Variants in NDUFB6 observed in about 807,000 individuals in gnomAD.
The protein encoded by NDUFB6 is NADH:ubiquinone oxidoreductase subunit B6.
Under a neutral mutation model 17.5 loss-of-function variants are expected in NDUFB6, and 23 were observed. The ratio of observed to expected loss-of-function variants is 1.31; its 90% CI spans 0.94 to 1.86. NDUFB6 has a LOEUF of 1.86. Ranked by LOEUF, NDUFB6 falls within the 40% of genes most tolerant of loss-of-function variation. NDUFB6 has a pLI of 0.00. For synonymous variants in NDUFB6, 60 were observed against 53.5 expected (o/e 1.12, Z -0.53); for missense variants, 167 against 153.8 (o/e 1.09, Z -0.46).
chr9:32,569,770 C>T (rs1256247999), intron 2 of NDUFB6, among the ~76,000 whole-genome samples: 1 of 152,122 alleles, frequency 6.6e-6, no homozygotes, highest in African/African-American at 2.4e-5. Context: ...CCTACCTTGG[C>T]CTCTCAAAGT....
At chr9:32,567,543 T>C (rs1333463466) in intron 2 of NDUFB6, 1 of 417,654 alleles carries the variant, frequency 2.4e-6, no homozygotes, top group Non-Finnish European at 4.9e-6. Flanking sequence ...CAGGCTGATC[T>C]TGAACTCCTC....
In NDUFB6 at chr9:32,553,659, T is replaced by C. The variant is rs1821369177; in HGVS notation, c.*217A>G. 3 of 506,574 alleles carry C rather than the reference T, an allele frequency of 5.9e-6. No homozygotes were observed. The highest frequency in any genetic ancestry group is 1.1e-5 in the Non-Finnish European group (3 of 284,522). 31.4% of individuals were successfully genotyped at this position (506,574 alleles called of 1,614,324 possible). A position where few individuals can be genotyped will look rare whatever the true frequency, so the allele number is the denominator to read the frequency against. On this transcript the variant is annotated 3_prime_UTR_variant, in exon 4 of 4. Coordinates refer to ENST00000379847, the MANE Select transcript of NDUFB6 (RefSeq NM_002493.5). The stretch of plus-strand genomic sequence containing the variant: ...TCCATACCGTTTTCCAAGTCAAGAA[T>C]GACCAGAAAAAGTAGGTAGTCTCTC...
intron 2 of NDUFB6, among the ~76,000 whole-genome samples, chr9:32,569,030 T>A (rs1821883979): frequency 6.6e-6 from 1 of 151,650 alleles, no homozygotes. Flanking sequence ...ATTACAGGCG[T>A]GGGACACCGC....
At chr9:32,566,828 C>T (rs1821806656) in intron 2 of NDUFB6, 1 of 891,004 alleles carries the variant, frequency 1.1e-6, no homozygotes, top group South Asian at 1.3e-5. Context: ...TCTGTGGGGG[C>T]CTGCTCATCA....
intron 2 of NDUFB6, among the ~76,000 whole-genome samples, chr9:32,564,731 A>G (rs2119022135): frequency 6.6e-6 from 1 of 152,316 alleles, no homozygotes; most frequent in Non-Finnish European, 1.5e-5. Context: ...ATTATCTGAG[A>G]TGATAGTAAC....
chr9:32,565,836 G>T (rs1587647437), intron 2 of NDUFB6, among the ~76,000 whole-genome samples: 1 of 152,244 alleles, frequency 6.6e-6, no homozygotes, highest in East Asian at 1.9e-4. Context: ...GCCAGGCATG[G>T]TGGCACATAC....
At chr9:32,554,230 G>C (rs1031594240) in intron 3 of NDUFB6, among the ~76,000 whole-genome samples, 13 of 152,162 alleles carry the variant, frequency 8.5e-5, no homozygotes, top group Admixed American at 2.0e-4. Context: ...CTTTTATTTT[G>C]TATGACCCCA....
In NDUFB6 at chr9:32,553,193, G is replaced by A; in HGVS notation, c.*683C>T. 3.3e-6 allele frequency: 1 copy of A among 306,816 alleles called. No individual in the cohort carries two copies. Among genetic ancestry groups the A allele is most frequent in the Non-Finnish European group, 6.0e-6 (1 of 166,908 alleles). The allele number at this position is 306,816 out of a possible 1,614,324, so 19.0% of individuals were successfully genotyped here. Reference sequence around the variant, plus strand: ...TTTCTAAATTCTTCAAAAATGATTCGGAAAGCTTTTTTTTTTTTTGAGACG... The same window carrying A: ...TTTCTAAATTCTTCAAAAATGATTCAGAAAGCTTTTTTTTTTTTTGAGACG... On this transcript the variant is annotated 3_prime_UTR_variant, in exon 4 of 4. Coordinates refer to ENST00000379847, the MANE Select transcript of NDUFB6 (RefSeq NM_002493.5).
At chr9:32,564,788 C>G (rs916822039) in intron 2 of NDUFB6, among the ~76,000 whole-genome samples, 3 of 152,180 alleles carry the variant, frequency 2.0e-5, no homozygotes, top group African/African-American at 7.2e-5. Flanking sequence ...GTGCACTGAA[C>G]AGCTTCCAGT....
intron 2 of NDUFB6, chr9:32,566,497 C>T (rs1237373352): frequency 1.3e-6 from 1 of 783,298 alleles, no homozygotes; most frequent in African/African-American, 1.7e-5. Flanking sequence ...GGAGAACTAG[C>T]CTTCCGGTGT....
rs1026391885 is a variant in NDUFB6, at chr9:32,553,650, A to C, written c.*226T>G. 4.0e-6 allele frequency: 2 copies of C among 497,032 alleles called. No homozygotes were observed. The highest frequency in any genetic ancestry group is 3.9e-5 in the African/African-American group (2 of 51,212). The allele number at this position is 497,032 out of a possible 1,614,324, so 30.8% of individuals were successfully genotyped here. A position where few individuals can be genotyped will look rare whatever the true frequency, so the allele number is the denominator to read the frequency against. On this transcript the variant is annotated 3_prime_UTR_variant, in exon 4 of 4. Coordinates refer to ENST00000379847, the MANE Select transcript of NDUFB6 (RefSeq NM_002493.5). ...AAATACTTTTCCATACCGTTTTCCA[A>C]GTCAAGAATGACCAGAAAAAGTAGG...
chr9:32,572,985 G>T lies in NDUFB6; in HGVS notation c.76C>A (p.Gln26Lys). ...ACCGGCTCCCGAGGGCTCAGCTCCT[G>T]GTCCTTCAGCCATCGCCTTCTCAGC... The part of the protein sequence containing the change: ...RELRRRWLKD[Q>K]ELSPREPVLP... Residue 26 changes from glutamine to lysine, a missense_variant, in exon 1 of 4, where the codon CAG (glutamine) becomes AAG (lysine). Physicochemically the swap from Gln to Lys is moderately conservative, Grantham distance 53. Coordinates refer to ENST00000379847, the MANE Select transcript of NDUFB6 (RefSeq NM_002493.5). 1 of 1,611,708 alleles carries T rather than the reference G, an allele frequency of 6.2e-7. No homozygotes were observed.
chr9:32,572,092 G>A (rs531815880), intron 1 of NDUFB6, among the ~76,000 whole-genome samples: 1 of 152,276 alleles, frequency 6.6e-6, no homozygotes, highest in African/African-American at 2.4e-5. Context: ...ATAAAGAAAT[G>A]AAGTAACACA....
intron 1 of NDUFB6, among the ~76,000 whole-genome samples, chr9:32,572,332 T>C (rs1821955990): frequency 6.6e-6 from 1 of 152,176 alleles, no homozygotes; most frequent in Non-Finnish European, 1.5e-5. Context: ...AATGAAACAC[T>C]GTGTTAAAAG....
At chr9:32,566,162 A>G (rs2119026284) in intron 2 of NDUFB6, 1 of 705,604 alleles carries the variant, frequency 1.4e-6, no homozygotes, top group Non-Finnish European at 2.6e-6. Context: ...TGGCGCTTTC[A>G]CACAGGCCAC....
At chr9:32,567,794 C>A in intron 2 of NDUFB6, 1 of 284,304 alleles carries the variant, frequency 3.5e-6, no homozygotes, top group South Asian at 3.8e-5. Flanking sequence ...ACTGGCCATT[C>A]CCCACCTCTC....
At chr9:32,566,572 G>C (rs556352577) in intron 2 of NDUFB6, 20 of 781,974 alleles carry the variant, frequency 2.6e-5, no homozygotes, top group Middle Eastern at 2.6e-4. Flanking sequence ...ACAGACTGGA[G>C]CTTCTGGCAC....
intron 1 of NDUFB6, among the ~76,000 whole-genome samples, chr9:32,571,940 A>C (rs1821948956): frequency 6.6e-6 from 1 of 152,252 alleles, no homozygotes; most frequent in African/African-American, 2.4e-5. Context: ...TTTGTAGCAC[A>C]GTAAGAATCA....
intron 3 of NDUFB6, among the ~76,000 whole-genome samples, chr9:32,555,181 G>A (rs563166169): frequency 6.6e-6 from 1 of 152,236 alleles, no homozygotes; most frequent in East Asian, 1.9e-4. Context: ...GGGAGTCCAA[G>A]GCAGGAGGAT....
Sources: allele counts gnomAD v4.1 joint callset (sites outside exome capture counted in the v4.1 genomes callset), GRCh38; gene constraint gnomAD v4.1.1; transcripts MANE v1.5; gene names NCBI Gene and HGNC (gene_info 2026-07-23, HGNC 2026-07-21).